The following RALGPS2 variants were observed in gnomAD, a reference collection of about 807,000 sequenced individuals.
RALGPS2 encodes ras-specific guanine nucleotide-releasing factor RalGPS2.
A neutral mutation model predicts 86.8 loss-of-function variants in RALGPS2; 43 were observed. The observed-to-expected ratio is 0.50, with a 90% CI of 0.39 to 0.64. RALGPS2 has a LOEUF of 0.64. RALGPS2 is among the 30% of genes least tolerant of loss of function. The probability of loss-of-function intolerance (pLI) is 0.00; values close to 1 mark genes in which losing one functional copy is unlikely to be tolerated. For synonymous variants in RALGPS2, 243 were observed against 231.3 expected (o/e 1.05, Z -0.46); for missense variants, 536 against 694.6 (o/e 0.77, Z 2.57).
chr1:178,896,906 A>G (rs370094537), intron 16 of RALGPS2, among the ~76,000 whole-genome samples: 2 of 150,614 alleles, frequency 1.3e-5, no homozygotes, highest in Admixed American at 6.6e-5. Flanking sequence ...ATTGTGAATA[A>G]TGCCGCAATA....
chr1:178,882,003 A>G (rs1413091510), intron 10 of RALGPS2, among the ~76,000 whole-genome samples: 3 of 152,204 alleles, frequency 2.0e-5, no homozygotes, highest in African/African-American at 7.2e-5. Flanking sequence ...TCTTTTGATC[A>G]GGGTGAAAAT....
At chr1:178,800,854 G>C (rs1251142099) in intron 4 of RALGPS2, among the ~76,000 whole-genome samples, 2 of 151,800 alleles carry the variant, frequency 1.3e-5, no homozygotes, top group Non-Finnish European at 2.9e-5. Context: ...GAAGTAGAGA[G>C]AAAATAAGGG....
At chr1:178,764,078 C>G (rs531234004) in intron 1 of RALGPS2, among the ~76,000 whole-genome samples, 43 of 152,168 alleles carry the variant, frequency 2.8e-4, no homozygotes, top group Middle Eastern at 3.4e-3. Context: ...AAATCTCCCA[C>G]TATTATTGTG....
intron 4 of RALGPS2, among the ~76,000 whole-genome samples, chr1:178,789,457 T>C (rs1653844724): frequency 6.6e-6 from 1 of 152,236 alleles, no homozygotes; most frequent in African/African-American, 2.4e-5. Context: ...AAAATTATTA[T>C]TGTTGTCGTA....
chr1:178,735,362 A>T (rs1162658643), intron 1 of RALGPS2, among the ~76,000 whole-genome samples: 1 of 152,062 alleles, frequency 6.6e-6, no homozygotes, highest in Non-Finnish European at 1.5e-5. Flanking sequence ...TTGGGGCTGG[A>T]AAGGTAAGAG....
rs1039324874 is a variant in RALGPS2 at position 178,921,107 on chromosome 1, A to G, written c.*4748A>G. 2.0e-5 allele frequency: 3 copies of G among 152,130 alleles called. No homozygotes were observed. The highest frequency in any genetic ancestry group is 7.2e-5 in the African/African-American group (3 of 41,552). The allele number at this position is 152,130 out of a possible 1,614,324, so 9.4% of individuals were successfully genotyped here. A position where few individuals can be genotyped will look rare whatever the true frequency, so the allele number is the denominator to read the frequency against. ...TCTTTTCACATTTTTTTAAAGGGCTAGTATGTTCCAGAGTAGGCAAGTAGT... is the reference window on the plus strand; with the variant it reads ...TCTTTTCACATTTTTTTAAAGGGCTGGTATGTTCCAGAGTAGGCAAGTAGT... On this transcript the variant is annotated 3_prime_UTR_variant, in exon 20 of 20. Transcript: ENST00000367635.
chr1:178,733,177 T>A (rs1650493576), intron 1 of RALGPS2, among the ~76,000 whole-genome samples: 1 of 152,194 alleles, frequency 6.6e-6, no homozygotes, highest in South Asian at 2.1e-4. Flanking sequence ...AGGCAAAGGC[T>A]TTTTAAACCA....
At chr1:178,899,646 G>GT (rs1491190567) in intron 17 of RALGPS2, among the ~76,000 whole-genome samples, 1 of 130,032 alleles carries the variant, frequency 7.7e-6, no homozygotes, top group African/African-American at 4.5e-5. Context: ...TTTTGGTTTT[G>GT]GTTTTGGTTT....
In RALGPS2 at chr1:178,917,170, A is replaced by G. The variant is rs548499969; in HGVS notation, c.*811A>G. On this transcript the variant is annotated 3_prime_UTR_variant, in exon 20 of 20. Coordinates refer to ENST00000367635, the MANE Select transcript of RALGPS2 (RefSeq NM_152663.5). Reference sequence around the variant, plus strand: ...CTAGGGTTAAAGTTTAGCTTTCTATATGAATTCATTGTTGGACCACAGATC... The same window carrying G: ...CTAGGGTTAAAGTTTAGCTTTCTATGTGAATTCATTGTTGGACCACAGATC... 3 of 152,282 alleles carry G rather than the reference A, an allele frequency of 2.0e-5. No individual in the cohort carries two copies. The highest frequency in any genetic ancestry group is 2.1e-4 in the South Asian group (1 of 4,826). The allele number at this position is 152,282 out of a possible 1,614,324, so 9.4% of individuals were successfully genotyped here. A position where few individuals can be genotyped will look rare whatever the true frequency, so the allele number is the denominator to read the frequency against.
intron 11 of RALGPS2, 113 bp from the exon 12 acceptor site, chr1:178,884,962 TA>T (rs1659411507): frequency 9.7e-7 from 1 of 1,026,656 alleles, no homozygotes; most frequent in Non-Finnish European, 1.3e-6. Flanking sequence ...TCAAGCCAAT[TA>T]AATAGAACTA....
intron 1 of RALGPS2, among the ~76,000 whole-genome samples, chr1:178,773,759 G>T (rs957084689): frequency 2.0e-5 from 3 of 149,528 alleles, no homozygotes; most frequent in Non-Finnish European, 3.0e-5. Context: ...TCCCGCCACT[G>T]CACTCCAGCC....
At chr1:178,813,077 T>G (rs1655063532) in intron 6 of RALGPS2, among the ~76,000 whole-genome samples, 1 of 151,700 alleles carries the variant, frequency 6.6e-6, no homozygotes, top group Admixed American at 6.6e-5. Flanking sequence ...GGACTACAGG[T>G]GCATGCCACC....
chr1:178,752,348 G>T (rs12090142), intron 1 of RALGPS2, among the ~76,000 whole-genome samples: 4,294 of 150,834 alleles, frequency 0.028, 317 homozygotes, highest in African/African-American at 0.1. Context: ...TTGGTGGCGG[G>T]GGGGAGGGTC....
chr1:178,804,508 A>C (rs1342176098), intron 4 of RALGPS2, among the ~76,000 whole-genome samples: 2 of 138,802 alleles, frequency 1.4e-5, no homozygotes, highest in Non-Finnish European at 3.1e-5. Context: ...GTTCCCACCT[A>C]TGAGTGAGAA....
intron 17 of RALGPS2, among the ~76,000 whole-genome samples, chr1:178,899,361 C>T (rs1660068033): frequency 1.3e-5 from 2 of 151,450 alleles, no homozygotes; most frequent in Non-Finnish European, 3.0e-5. Flanking sequence ...CTCATCTTTT[C>T]TAATTAAATT....
chr1:178,795,489 T>A (rs751520913), intron 4 of RALGPS2, among the ~76,000 whole-genome samples: 2 of 152,142 alleles, frequency 1.3e-5, no homozygotes, highest in Non-Finnish European at 2.9e-5. Flanking sequence ...CTTGTCTCAC[T>A]GCAACCTCTG....
At position 178,776,700 on chromosome 1, in the gene RALGPS2, C is replaced by A; in HGVS notation, c.-65C>A. ...TTTACAGGAATAATGTATTTGTGGC[C>A]TTGGACATGAGGCAGTCAGTCCTCT... On this transcript the variant is annotated 5_prime_UTR_variant, in exon 2 of 20. Transcript: ENST00000367635. 2 of 1,231,828 alleles carry A rather than the reference C, an allele frequency of 1.6e-6. No homozygotes were observed. The highest frequency in any genetic ancestry group is 1.4e-5 in the South Asian group (1 of 69,600). 76.3% of individuals were successfully genotyped at this position (1,231,828 alleles called of 1,614,324 possible). A position where few individuals can be genotyped will look rare whatever the true frequency, so the allele number is the denominator to read the frequency against.
At chr1:178,890,174 C>T (rs1659661485) in intron 14 of RALGPS2, among the ~76,000 whole-genome samples, 2 of 151,854 alleles carry the variant, frequency 1.3e-5, no homozygotes, top group South Asian at 2.1e-4. Flanking sequence ...TTTCAGAGTA[C>T]ACTTTTATAC....
chr1:178,902,893 C>T (rs966845008), intron 18 of RALGPS2, among the ~76,000 whole-genome samples: 1 of 152,012 alleles, frequency 6.6e-6, no homozygotes, highest in Non-Finnish European at 1.5e-5. Context: ...ATTTTACATA[C>T]AGTATATAGA....
Sources: allele counts gnomAD v4.1 joint callset (sites outside exome capture counted in the v4.1 genomes callset), GRCh38; gene constraint gnomAD v4.1.1; transcripts MANE v1.5; gene names NCBI Gene and HGNC (gene_info 2026-07-23, HGNC 2026-07-21).